DCLK3: variants seen among roughly 807,000 people sequenced by gnomAD.
DCLK3 encodes the protein doublecortin like kinase 3.
DCLK3 carries 30 observed loss-of-function variants against 46.4 expected under a neutral mutation model. That is an observed-to-expected ratio of 0.65 (90% CI 0.48 to 0.88). The LOEUF is 0.88. Among genes scored for constraint, DCLK3 ranks in the 40% least tolerant of loss-of-function variants. The probability of loss-of-function intolerance (pLI) is 0.00; values close to 1 mark genes in which losing one functional copy is unlikely to be tolerated. For synonymous variants in DCLK3, 401 were observed against 339.2 expected, an observed-to-expected ratio of 1.18 and a Z score of -2.00; for missense variants, 846 against 907.1, an observed-to-expected ratio of 0.93 and a Z score of 0.87.
At chr3:36,761,114 A>T (rs917526330) in intron 1 of DCLK3, among the ~76,000 whole-genome samples, 53 of 152,198 alleles carry the variant, frequency 3.5e-4, no homozygotes, top group African/African-American at 1.1e-3. Flanking sequence ...CTGTCCCTTC[A>T]TGCAGCCACT....
At chr3:36,760,945 T>A (rs2125540481) in intron 1 of DCLK3, among the ~76,000 whole-genome samples, 2 of 152,356 alleles carry the variant, frequency 1.3e-5, no homozygotes, top group Non-Finnish European at 2.9e-5. Flanking sequence ...GTTGGGTATC[T>A]CGCTCAGGAT....
chr3:36,750,142 G>A (rs549508662), intron 1 of DCLK3, among the ~76,000 whole-genome samples: 14 of 152,070 alleles, frequency 9.2e-5, no homozygotes, highest in African/African-American at 2.4e-4. Context: ...GTGCAGTGGC[G>A]CAATCTTGGC....
chr3:36,720,471 C>T (rs1227113226), intron 3 of DCLK3, among the ~76,000 whole-genome samples: 1 of 151,620 alleles, frequency 6.6e-6, no homozygotes, highest in Non-Finnish European at 1.5e-5. Flanking sequence ...ATGTCTCTAA[C>T]ACCTGACCTC....
intron 2 of DCLK3, among the ~76,000 whole-genome samples, chr3:36,735,708 C>A (rs1012273428): frequency 8.5e-5 from 13 of 152,232 alleles, no homozygotes; most frequent in African/African-American, 3.1e-4. Context: ...AATGATGTGA[C>A]TTTGAATGCT....
At chr3:36,732,503 C>T (rs146443730) in intron 2 of DCLK3, among the ~76,000 whole-genome samples, 61 of 152,324 alleles carry the variant, frequency 4.0e-4, no homozygotes, top group African/African-American at 1.3e-3. Flanking sequence ...GAATATACCC[C>T]GCAGTTCTCC....
chr3:36,763,911 G>A (rs1010483831), intron 1 of DCLK3, among the ~76,000 whole-genome samples: 6 of 152,208 alleles, frequency 3.9e-5, no homozygotes, highest in African/African-American at 1.4e-4. Flanking sequence ...TGCTGGCGAG[G>A]GAAATAAAAT....
At chr3:36,733,299 GCCCA>G (rs1361047251) in intron 2 of DCLK3, among the ~76,000 whole-genome samples, 1 of 152,170 alleles carries the variant, frequency 6.6e-6, no homozygotes, top group Admixed American at 6.5e-5. Flanking sequence ...GTAGCAGCAT[GCCCA>G]CCCTGCTCAT....
chr3:36,734,030 A>G (rs1404485529), intron 2 of DCLK3, among the ~76,000 whole-genome samples: 1 of 152,208 alleles, frequency 6.6e-6, no homozygotes, highest in Admixed American at 6.5e-5. Flanking sequence ...AAAGGAAGAA[A>G]CAATTAGTTT....
Position 36,737,707 on chromosome 3 carries a change from G to A in DCLK3, c.1460C>T (p.Pro487Leu), listed in dbSNP as rs780144006. 55 of 1,613,866 alleles carry A rather than the reference G, an allele frequency of 3.4e-5. No homozygotes were observed. The Admixed American group carries it at 9.2e-4, about 27-fold the overall frequency. The change falls in exon 2 of 5, where the codon CCT becomes CTT. Residue 487 changes from proline (P) to leucine (L), a missense_variant. This residue lies in a region of DCLK3 where 553 missense variants were observed against 543.0 expected (regional missense o/e 1.02). Transcript: ENST00000636136. This position sits in a 1 kb window ranked among gnomAD's most constrained non-coding sequence, Gnocchi z 4.4. ...CTTGGGCTCCTTTTCTAGCTTTGCA[G>A]GTTGGTCATCTCTGAGAGTCATCCT... ...GRRMTLRDDQ[P>L]AKLEKEPKTR...
intron 3 of DCLK3, among the ~76,000 whole-genome samples, chr3:36,720,970 T>C (rs1701047344): frequency 6.6e-6 from 1 of 152,222 alleles, no homozygotes; most frequent in African/African-American, 2.4e-5. Flanking sequence ...TAGTCATTCA[T>C]ATATTTAGAG....
At chr3:36,727,763 G>C (rs1701143065) in intron 2 of DCLK3, among the ~76,000 whole-genome samples, 1 of 152,204 alleles carries the variant, frequency 6.6e-6, no homozygotes, top group Non-Finnish European at 1.5e-5. Flanking sequence ...CTGCTGTCAA[G>C]AGTTATTTAA....
At chr3:36,759,743 A>T (rs532043921) in intron 1 of DCLK3, among the ~76,000 whole-genome samples, 1 of 151,488 alleles carries the variant, frequency 6.6e-6, no homozygotes, top group Non-Finnish European at 1.5e-5. Flanking sequence ...TATTCCACAC[A>T]CTCTTCTGCC....
intron 1 of DCLK3, among the ~76,000 whole-genome samples, chr3:36,751,179 G>C (rs1701438812): frequency 6.6e-6 from 1 of 150,830 alleles, no homozygotes; most frequent in East Asian, 2.0e-4. Context: ...TGGGAATTCA[G>C]ACTGGGTTTG....
intron 4 of DCLK3, among the ~76,000 whole-genome samples, chr3:36,715,864 T>A (rs1311506287): frequency 1.3e-5 from 2 of 152,196 alleles, no homozygotes; most frequent in Non-Finnish European, 2.9e-5. Context: ...AGGACGTTCC[T>A]TCATTTCTCT....
chr3:36,737,388 G>A lies in DCLK3; in HGVS notation c.1779C>T (p.Asp593=). The stretch of plus-strand genomic sequence containing the variant: ...ACTCCAGGATCAGGTAGATTTCCAT[G>A]TCTGTTTCGTAGACTTCATGCAATT... ...IVKLHEVYET[D]MEIYLILEYV... is the part of the protein sequence containing the mutation. Residue 593 remains aspartate (D), a synonymous_variant, in exon 2 of 5, where the codon GAC becomes GAT. Transcript: ENST00000636136. The surrounding 1 kb of genome is among the most constrained non-coding windows in gnomAD (Gnocchi z 4.4). 5 of 1,614,206 alleles carry A rather than the reference G, an allele frequency of 3.1e-6. No homozygotes were observed. The highest frequency in any genetic ancestry group is 4.2e-6 in the Non-Finnish European group (5 of 1,180,040).
intron 2 of DCLK3, among the ~76,000 whole-genome samples, chr3:36,729,560 G>C (rs531012866): frequency 4.6e-4 from 70 of 152,288 alleles, no homozygotes; most frequent in Middle Eastern, 6.8e-3. Flanking sequence ...GCTTCAAGAA[G>C]AATCTTTATT....
rs369561360 is a variant in DCLK3, at chr3:36,737,958, G to T, written c.1209C>A (p.Ser403Arg). Residue 403 changes from serine (S) to arginine (R), a missense_variant, in exon 2 of 5, where the codon AGC (serine) becomes AGA (arginine). This residue lies in a region of DCLK3 where 553 missense variants were observed against 543.0 expected (regional missense o/e 1.02). Coordinates refer to ENST00000636136, the MANE Select transcript of DCLK3 (RefSeq NM_001394672.2). The surrounding 1 kb of genome is among the most constrained non-coding windows in gnomAD (Gnocchi z 4.4). ...KEDRGPEDQESHAQGAAKAKK... is the reference protein window; with the variant it reads ...KEDRGPEDQERHAQGAAKAKK... ...TGGCCTTGGCTGCTCCCTGAGCATG[G>T]CTTTCTTGATCCTCTGGGCCTCTGT... The T allele has an allele frequency of 1.2e-6, 2 of 1,613,976 alleles. No individual in the cohort carries two copies. Among genetic ancestry groups the T allele is most frequent in the African/African-American group, 2.7e-5 (2 of 74,888 alleles).
intron 1 of DCLK3, among the ~76,000 whole-genome samples, chr3:36,761,371 G>GC (rs1286216196): frequency 1.3e-5 from 2 of 152,122 alleles, no homozygotes; most frequent in East Asian, 3.8e-4. Context: ...TCAGTGACTT[G>GC]CCCCAGGTCA....
At chr3:36,726,891 A>G (rs1462097310) in intron 2 of DCLK3, among the ~76,000 whole-genome samples, 1 of 152,234 alleles carries the variant, frequency 6.6e-6, no homozygotes, top group Non-Finnish European at 1.5e-5. Context: ...ATAATGTGAT[A>G]CCAAAATGAC....
Sources: allele counts gnomAD v4.1 joint callset (sites outside exome capture counted in the v4.1 genomes callset), GRCh38; gene constraint gnomAD v4.1.1; regional missense constraint gnomAD v4.1.1; non-coding constraint Gnocchi (gnomAD v3.1); transcripts MANE v1.5; gene names NCBI Gene and HGNC (gene_info 2026-07-23, HGNC 2026-07-21).